Variants in EP400 observed in about 807,000 individuals in gnomAD.
The protein encoded by EP400 is E1A-binding protein p400.
EP400 carries 105 observed loss-of-function variants against 354.1 expected under a neutral mutation model. The ratio of observed to expected loss-of-function variants is 0.30; its 90% CI spans 0.25 to 0.35. EP400 has a LOEUF of 0.35. Among genes scored for constraint, EP400 ranks in the 10% least tolerant of loss-of-function variants. The probability of loss-of-function intolerance (pLI) is 1.00; values close to 1 mark genes in which losing one functional copy is unlikely to be tolerated. For missense variants in EP400, 3,280 were observed against 4,121.0 expected (o/e 0.80, Z 5.59); for synonymous variants, 1,646 against 1,716.9 (o/e 0.96, Z 1.02).
Position 131,987,878 on chromosome 12 carries a change from T to A in EP400, c.2397T>A (p.Ala799=). Residue 799 remains alanine, a synonymous_variant, in exon 7 of 53, where the codon GCT becomes GCA. Coordinates refer to ENST00000389561, the MANE Select transcript of EP400 (RefSeq NM_015409.5). The part of the protein sequence containing the change: ...DFAQERRWKV[A]AAKKLVRTVV... ...CCCAGGAGAGGAGGTGGAAGGTGGCTGCTGCGAAGAAGGTGGGTTGGAATG... is the reference window on the plus strand; with the variant it reads ...CCCAGGAGAGGAGGTGGAAGGTGGCAGCTGCGAAGAAGGTGGGTTGGAATG... 1 of 1,608,206 alleles carries A rather than the reference T, an allele frequency of 6.2e-7. No homozygotes were observed. Among genetic ancestry groups the A allele is most frequent in the Non-Finnish European group, 8.5e-7 (1 of 1,176,866 alleles).
intron 38 of EP400, 50 bp downstream of exon 38, chr12:132,045,610 A>G (rs768586993): frequency 1.8e-5 from 29 of 1,607,448 alleles, no homozygotes; most frequent in Admixed American, 5.0e-5. Context: ...TCATTTTTCT[A>G]ACGCACGTCC....
chr12:132,028,673 G>C (rs560841450), intron 27 of EP400, among the ~76,000 whole-genome samples: 14 of 152,222 alleles, frequency 9.2e-5, no homozygotes, highest in Admixed American at 3.3e-4. Flanking sequence ...GGCAGGAGTT[G>C]ATCTCAGAAC....
chr12:131,960,717 A>ACACCC lies in EP400; in HGVS notation c.99_100insACCCC (p.Pro34ThrfsTer30). On this transcript the variant is annotated frameshift_variant, in exon 2 of 53. Transcript: ENST00000389561. LOFTEE classifies it high-confidence loss of function. ...GGTGAGGAGCAGCCGGCCCACCCCA[A>ACACCC]CCCACCCCCGTCCCCCGCAGCTCCC... The ACACCC allele has an allele frequency of 2.0e-5, 4 of 196,108 alleles. No individual in the cohort carries two copies. Among genetic ancestry groups the ACACCC allele is most frequent in the Admixed American group, 6.8e-5 (1 of 14,706 alleles). 12.1% of individuals were successfully genotyped at this position (196,108 alleles called of 1,614,324 possible). A position where few individuals can be genotyped will look rare whatever the true frequency, so the allele number is the denominator to read the frequency against.
At position 131,960,889 on chromosome 12, in the gene EP400, A is replaced by C; in HGVS notation, c.270A>C (p.Thr90=). The C allele has an allele frequency of 6.2e-7, 1 of 1,613,822 alleles. No individual in the cohort carries two copies. Among genetic ancestry groups the C allele is most frequent in the Non-Finnish European group, 8.5e-7 (1 of 1,180,000 alleles). ...GPVVGGNQQI[T]LAPLPLPSPT... ...TCGTCGGGGGAAACCAGCAGATCAC[A>C]CTGGCCCCACTGCCGCTCCCCAGCC... The change falls in exon 2 of 53, where the codon ACA becomes ACC. Residue 90 remains threonine (T), a synonymous_variant. Transcript: ENST00000389561.
chr12:132,007,886 G>T (rs1566184292), intron 15 of EP400, among the ~76,000 whole-genome samples: 1 of 152,180 alleles, frequency 6.6e-6, no homozygotes, highest in South Asian at 2.1e-4. Flanking sequence ...TGTGGTGGGG[G>T]TCTCAGTCCA....
rs543848382 is a variant in EP400, at chr12:132,043,211, G to C, written c.6208-93G>C. 4.6e-6 allele frequency: 6 copies of C among 1,316,984 alleles called. No individual in the cohort carries two copies. The Admixed American group carries it at 9.8e-5, about 22-fold the overall frequency. The allele number at this position is 1,316,984 out of a possible 1,614,324, so 81.6% of individuals were successfully genotyped here. On this transcript the variant is annotated intron_variant, in intron 32 of 52. Transcript: ENST00000389561. ...TGGAGAGTGGGTGATTATAGTGGAG[G>C]CATCTCCATTAACTTTACATGGGAT...
intron 32 of EP400, among the ~76,000 whole-genome samples, chr12:132,042,512 ATGTTGCAT>A (rs1894948661): frequency 6.6e-6 from 1 of 152,014 alleles, no homozygotes; most frequent in Admixed American, 6.6e-5. Flanking sequence ...TTTCTTCTAC[ATGTTGCAT>A]TGTTTTATGT....
At chr12:131,987,968 A>C in intron 7 of EP400, 78 bp downstream of exon 7, 3 of 694,186 alleles carry the variant, frequency 4.3e-6, no homozygotes, top group Non-Finnish European at 6.1e-6. Context: ...AGTGGTGGGG[A>C]GGTCTCCAGA....
intron 12 of EP400, among the ~76,000 whole-genome samples, chr12:132,001,328 C>T (rs889171509): frequency 3.9e-5 from 6 of 152,198 alleles, no homozygotes; most frequent in Non-Finnish European, 7.3e-5. Context: ...GGGGGCCCTC[C>T]CCTGCCTGGC....
chr12:131,951,833 A>G (rs535896001), intron 1 of EP400, among the ~76,000 whole-genome samples: 1 of 147,748 alleles, frequency 6.8e-6, no homozygotes, highest in South Asian at 2.2e-4. Context: ...CTGGAGTGCA[A>G]TGGCATGATC....
At chr12:132,061,567 G>A (rs952309800) in intron 45 of EP400, among the ~76,000 whole-genome samples, 1 of 152,232 alleles carries the variant, frequency 6.6e-6, no homozygotes, top group Non-Finnish European at 1.5e-5. Context: ...GTGGGATAGG[G>A]TGAGGGGACC....
chr12:132,053,766 G>C (rs1431986104), intron 43 of EP400, among the ~76,000 whole-genome samples, 169 bp downstream of exon 43: 1 of 152,226 alleles, frequency 6.6e-6, no homozygotes, highest in Non-Finnish European at 1.5e-5. Flanking sequence ...CATCCCAGAG[G>C]AATTGTGTGT....
chr12:131,981,873 G>A (rs536599994), intron 4 of EP400, among the ~76,000 whole-genome samples: 1 of 152,142 alleles, frequency 6.6e-6, no homozygotes, highest in Non-Finnish European at 1.5e-5. Flanking sequence ...TGTTGTAGGG[G>A]TGCCCTGTGG....
chr12:132,057,328 A>G (rs942251534), intron 45 of EP400, among the ~76,000 whole-genome samples: 3 of 152,266 alleles, frequency 2.0e-5, no homozygotes, highest in Non-Finnish European at 2.9e-5. Flanking sequence ...CTACCAAGCA[A>G]TACAAAAGAA....
intron 12 of EP400, among the ~76,000 whole-genome samples, chr12:132,000,962 C>T (rs1893387992): frequency 6.6e-6 from 1 of 152,174 alleles, no homozygotes; most frequent in African/African-American, 2.4e-5. Flanking sequence ...TTTTGCAGGT[C>T]TGATTCTGCT....
At chr12:132,026,261 C>T (rs1308759606) in intron 25 of EP400, among the ~76,000 whole-genome samples, 2 of 152,198 alleles carry the variant, frequency 1.3e-5, no homozygotes, top group Non-Finnish European at 2.9e-5. Flanking sequence ...TCTCTCTGGA[C>T]ATGCTCTGTC....
At chr12:132,005,271 C>CT in intron 13 of EP400, 87 bp downstream of exon 13, 1 of 940,180 alleles carries the variant, frequency 1.1e-6, no homozygotes, top group Non-Finnish European at 1.5e-6. Context: ...TAGAAAATTT[C>CT]TTTTAGTTTG....
intron 37 of EP400, 74 bp from the exon 38 acceptor site, chr12:132,045,245 T>C: frequency 1.3e-6 from 2 of 1,576,442 alleles, no homozygotes; most frequent in South Asian, 2.4e-5. Context: ...GCCTGACCTG[T>C]TTCCTTTGTC....
At chr12:132,039,496 G>A (rs1442867307) in intron 32 of EP400, among the ~76,000 whole-genome samples, 6 of 152,112 alleles carry the variant, frequency 3.9e-5, no homozygotes, top group African/African-American at 7.2e-5. Flanking sequence ...GCCCCAGAGC[G>A]TTTCTATTCC....
Sources: gnomAD v4.1 joint callset for allele counts (sites outside exome capture counted in the v4.1 genomes callset) on GRCh38, gnomAD v4.1.1 for gene constraint, MANE v1.5 for transcripts, NCBI Gene and HGNC (gene_info 2026-07-23, HGNC 2026-07-21) for gene names.